TAFA2: variants seen among roughly 807,000 people sequenced by gnomAD.
The protein encoded by TAFA2 is chemokine-like protein TAFA-2.
Under a neutral mutation model 18.8 loss-of-function variants are expected in TAFA2, and 7 were observed. That is an observed-to-expected ratio of 0.37 (90% CI 0.21 to 0.70). TAFA2 has a LOEUF of 0.70. Among genes scored for constraint, TAFA2 ranks in the 30% least tolerant of loss-of-function variants. The probability of loss-of-function intolerance (pLI) is 0.53; values close to 1 mark genes in which losing one functional copy is unlikely to be tolerated. For synonymous variants in TAFA2, 60 were observed against 54.2 expected, an observed-to-expected ratio of 1.11 and a Z score of -0.47; for missense variants, 122 against 158.1, an observed-to-expected ratio of 0.77 and a Z score of 1.23.
At chr12:61,957,098 T>C (rs1331327434) in intron 1 of TAFA2, among the ~76,000 whole-genome samples, 1 of 152,178 alleles carries the variant, frequency 6.6e-6, no homozygotes, top group Non-Finnish European at 1.5e-5. Flanking sequence ...CAGTTAAATG[T>C]AAGTTCTGAG....
chr12:61,986,023 T>G (rs182289292), intron 1 of TAFA2, among the ~76,000 whole-genome samples: 2 of 152,136 alleles, frequency 1.3e-5, no homozygotes, highest in South Asian at 4.1e-4. Context: ...TGGTATACAA[T>G]AGCTTCCTCT....
intron 1 of TAFA2, among the ~76,000 whole-genome samples, chr12:61,925,975 A>T (rs1206339466): frequency 6.6e-6 from 1 of 152,102 alleles, no homozygotes; most frequent in African/African-American, 2.4e-5. Flanking sequence ...AAGAAGAAAA[A>T]AGAGAAGAAT....
intron 2 of TAFA2, among the ~76,000 whole-genome samples, chr12:61,766,297 T>C (rs6581430): frequency 0.88 from 133,252 of 152,152 alleles, 58,455 homozygotes; most frequent in African/African-American, 0.93. Context: ...CAGCCTACAT[T>C]CGTCTTCTCT....
At chr12:62,155,857 G>GA (rs749771497) in intron 1 of TAFA2, among the ~76,000 whole-genome samples, 3 of 152,114 alleles carry the variant, frequency 2.0e-5, no homozygotes, top group Non-Finnish European at 4.4e-5. Context: ...GATAACATTG[G>GA]AAAAACCCTT....
Position 61,754,999 on chromosome 12 carries a change from A to G in TAFA2, c.132T>C (p.Cys44=), listed in dbSNP as rs1028131606. The change falls in exon 3 of 5, where the codon TGT becomes TGC. Residue 44 remains cysteine, a synonymous_variant. Transcript: ENST00000416284. ...AGCATCTGTGGAGTGCCACCACCTC[A>G]CAAGTTCCCGTTTTAACATGGTGAG... ...HKAHHVKTGT[C]EVVALHRCCN... is the part of the protein sequence containing the mutation. The G allele has an allele frequency of 1.9e-6, 3 of 1,612,710 alleles. No homozygotes were observed. Among genetic ancestry groups the G allele is most frequent in the Non-Finnish European group, 2.5e-6 (3 of 1,179,300 alleles).
intron 2 of TAFA2, among the ~76,000 whole-genome samples, chr12:61,796,302 AAC>A (rs1871186933): frequency 6.6e-6 from 1 of 152,180 alleles, no homozygotes; most frequent in South Asian, 2.1e-4. Context: ...TAAATAGATA[AAC>A]AAATTTTGGC....
In TAFA2 at chr12:62,185,247, CCTT is replaced by C. The variant is rs1161157663; in HGVS notation, c.-2+6009_-2+6011del. On this transcript the variant is annotated intron_variant, in intron 1 of 4. Coordinates refer to ENST00000416284, the MANE Select transcript of TAFA2 (RefSeq NM_178539.5). ...TTTTAAAAATTAGGTTAAGTTTTTT[CCTT>C]AAAGTTTTCCAAAATGGGGCCTCTG... 2.5e-4 allele frequency among the ~76,000 whole-genome samples: 38 copies of C among 152,080 alleles called. 1 individual carries two copies. Among genetic ancestry groups the C allele is most frequent in the Admixed American group, 1.3e-4 (2 of 15,274 alleles).
At chr12:62,041,209 A>C (rs1223933199) in intron 1 of TAFA2, among the ~76,000 whole-genome samples, 1 of 152,176 alleles carries the variant, frequency 6.6e-6, no homozygotes, top group Non-Finnish European at 1.5e-5. Context: ...CAATCTTCTG[A>C]GGGAGGTGTC....
intron 1 of TAFA2, among the ~76,000 whole-genome samples, chr12:62,247,083 C>T (rs1314651163): frequency 1.3e-5 from 2 of 152,006 alleles, no homozygotes. Flanking sequence ...CTGCATGCTG[C>T]TGTTATTGTT....
At chr12:61,941,158 A>G (rs1877988408) in intron 1 of TAFA2, among the ~76,000 whole-genome samples, 1 of 152,190 alleles carries the variant, frequency 6.6e-6, no homozygotes, top group South Asian at 2.1e-4. Flanking sequence ...AACTAGATAT[A>G]TTGTTACCAT....
At chr12:61,860,457 C>G (rs183444002) in intron 2 of TAFA2, among the ~76,000 whole-genome samples, 241 of 152,274 alleles carry the variant, frequency 1.6e-3, no homozygotes, top group Non-Finnish European at 2.5e-3. Flanking sequence ...TAGCTGCAAG[C>G]CAGCCCAAGA....
chr12:62,011,941 C>T (rs1880784493), intron 1 of TAFA2, among the ~76,000 whole-genome samples: 1 of 152,142 alleles, frequency 6.6e-6, no homozygotes, highest in Non-Finnish European at 1.5e-5. Flanking sequence ...TCAGCACACA[C>T]ATGCTAAGTA....
At chr12:61,877,336 C>G (rs1345112086) in intron 1 of TAFA2, among the ~76,000 whole-genome samples, 1 of 152,146 alleles carries the variant, frequency 6.6e-6, no homozygotes, top group Non-Finnish European at 1.5e-5. Flanking sequence ...CTAACATTTT[C>G]CTTATGGATG....
chr12:61,726,702 T>C (rs993961021), intron 4 of TAFA2, among the ~76,000 whole-genome samples: 4 of 152,074 alleles, frequency 2.6e-5, no homozygotes, highest in African/African-American at 9.7e-5. Context: ...GACTTTATCT[T>C]TACCTATTTG....
Position 61,867,283 on chromosome 12 carries a change from T to A in TAFA2, c.106+37A>T, listed in dbSNP as rs780991892. ...CAGTCTGTGTTAAGGGTAGTCATCA[T>A]CCACATTTAGTTGAAAAAAAAAACA... is the stretch of plus-strand genomic sequence containing the variant. On this transcript the variant is annotated intron_variant, in intron 2 of 4. Coordinates refer to ENST00000416284, the MANE Select transcript of TAFA2 (RefSeq NM_178539.5). 38 of 1,298,054 alleles carry A rather than the reference T, an allele frequency of 2.9e-5. No individual in the cohort carries two copies. In the South Asian group the frequency reaches 4.3e-4, roughly 15 times the overall value. 80.4% of individuals were successfully genotyped at this position (1,298,054 alleles called of 1,614,324 possible). A position where few individuals can be genotyped will look rare whatever the true frequency, so the allele number is the denominator to read the frequency against.
Position 61,896,374 on chromosome 12 carries a change from C to T in TAFA2, c.-1-28948G>A, listed in dbSNP as rs116626353. ...ACTTTCATGAATGTAAAAAACATTA[C>T]GAAATATTTAATAATCTACCAAACT... On this transcript the variant is annotated intron_variant, in intron 1 of 4. Transcript: ENST00000416284. Among the ~76,000 whole-genome samples, 1,057 of 152,184 alleles carry T rather than the reference C, an allele frequency of 6.9e-3. 11 individuals are homozygous for T. The highest frequency in any genetic ancestry group is 0.023 in the African/African-American group (945 of 41,520).
intron 1 of TAFA2, among the ~76,000 whole-genome samples, chr12:62,008,149 A>T (rs1880618196): frequency 6.6e-6 from 1 of 152,202 alleles, no homozygotes; most frequent in South Asian, 2.1e-4. Flanking sequence ...ATAAAGTATA[A>T]GCAAATCAAC....
chr12:61,861,756 G>A (rs567319755), intron 2 of TAFA2, among the ~76,000 whole-genome samples: 154 of 152,220 alleles, frequency 1.0e-3, no homozygotes, highest in South Asian at 7.7e-3. Context: ...GGTTATTACC[G>A]TACTGTATAC....
chr12:61,779,604 T>C (rs967253378), intron 2 of TAFA2, among the ~76,000 whole-genome samples: 2 of 151,868 alleles, frequency 1.3e-5, no homozygotes, highest in Non-Finnish European at 2.9e-5. Context: ...TTTTTGAACA[T>C]GTGCTGCTAT....
Sources: gnomAD v4.1 joint callset for allele counts (sites outside exome capture counted in the v4.1 genomes callset) on GRCh38, gnomAD v4.1.1 for gene constraint, MANE v1.5 for transcripts, NCBI Gene and HGNC (gene_info 2026-07-23, HGNC 2026-07-21) for gene names.